Variants in BRINP1 observed in about 807,000 individuals in gnomAD.
BRINP1 encodes the protein BMP/retinoic acid-inducible neural-specific protein 1.
In BRINP1, 17 loss-of-function variants were observed where a neutral mutation model predicts 72.9. That is an observed-to-expected ratio of 0.23 (90% CI 0.16 to 0.35). The LOEUF (loss-of-function observed/expected upper bound fraction) is 0.35, where lower values mean the gene tolerates loss of function less well. BRINP1 is among the 10% of genes least tolerant of loss of function. BRINP1 has a pLI of 1.00. For missense variants in BRINP1, 850 were observed against 1,001.6 expected, an observed-to-expected ratio of 0.85 and a Z score of 2.04; for synonymous variants, 418 against 378.5, an observed-to-expected ratio of 1.10 and a Z score of -1.21.
intron 5 of BRINP1, among the ~76,000 whole-genome samples, chr9:119,218,117 C>T (rs1407116182): frequency 6.6e-6 from 1 of 151,968 alleles, no homozygotes; most frequent in Non-Finnish European, 1.5e-5. Context: ...GAAGAAGGGA[C>T]CTGTCTGCCC....
chr9:119,313,510 GT>G, intron 1 of BRINP1, 105 bp from the exon 2 acceptor site: 1 of 1,010,678 alleles, frequency 9.9e-7, no homozygotes, highest in Non-Finnish European at 1.4e-6. Context: ...AAGAAAAAAT[GT>G]GATTAACACA....
chr9:119,244,710 G>A (rs1830296478), intron 3 of BRINP1, among the ~76,000 whole-genome samples: 1 of 152,156 alleles, frequency 6.6e-6, no homozygotes, highest in Non-Finnish European at 1.5e-5. Flanking sequence ...GGGTTAATGG[G>A]CTTCTTGCTG....
intron 2 of BRINP1, among the ~76,000 whole-genome samples, chr9:119,295,071 C>T (rs1198735869): frequency 6.6e-6 from 1 of 151,862 alleles, no homozygotes; most frequent in Non-Finnish European, 1.5e-5. Flanking sequence ...TATACAGGAA[C>T]AAAGACGAAT....
At chr9:119,357,361 T>C (rs947836502) in intron 1 of BRINP1, among the ~76,000 whole-genome samples, 11 of 152,244 alleles carry the variant, frequency 7.2e-5, no homozygotes, top group African/African-American at 2.7e-4. Context: ...TGCTATTTGC[T>C]GGCTTGAAAA....
intron 7 of BRINP1, among the ~76,000 whole-genome samples, chr9:119,170,023 G>A (rs1305326149): frequency 2.0e-5 from 3 of 152,180 alleles, no homozygotes; most frequent in Non-Finnish European, 4.4e-5. Flanking sequence ...AAACCACAAA[G>A]ATGGGGAAAA....
At chr9:119,318,844 G>GTGT (rs1554754957) in intron 1 of BRINP1, among the ~76,000 whole-genome samples, 36 of 142,236 alleles carry the variant, frequency 2.5e-4, no homozygotes, top group African/African-American at 6.8e-4. Context: ...AAATGTGTGG[G>GTGT]GTGTGTGTGT....
chr9:119,206,805 G>C (rs1829861667), intron 7 of BRINP1, among the ~76,000 whole-genome samples: 1 of 152,152 alleles, frequency 6.6e-6, no homozygotes, highest in African/African-American at 2.4e-5. Context: ...GCAGATGTGT[G>C]ATGGATCTAA....
chr9:119,219,525 T>C (rs1209702141), intron 5 of BRINP1, among the ~76,000 whole-genome samples: 1 of 152,068 alleles, frequency 6.6e-6, no homozygotes, highest in East Asian at 1.9e-4. Context: ...TCTTCCCATC[T>C]TTCTGCTTCC....
At chr9:119,242,244 A>C in intron 3 of BRINP1, 28 bp from the exon 4 acceptor site, 1 of 1,603,626 alleles carries the variant, frequency 6.2e-7, no homozygotes, top group Non-Finnish European at 8.5e-7. Context: ...GTAGATAAGA[A>C]GGTTTGTGGA....
chr9:119,254,958 G>C (rs781612932), intron 2 of BRINP1, among the ~76,000 whole-genome samples: 62 of 152,310 alleles, frequency 4.1e-4, no homozygotes, highest in Non-Finnish European at 5.6e-4. Context: ...TGGGAAAATT[G>C]AATGTCAAAA....
chr9:119,241,094 A>G (rs1250848772), intron 4 of BRINP1, among the ~76,000 whole-genome samples: 1 of 152,218 alleles, frequency 6.6e-6, no homozygotes, highest in East Asian at 1.9e-4. Context: ...TGCTCTAAGC[A>G]CTGAATTGAA....
chr9:119,282,837 T>A, intron 2 of BRINP1: 1 of 985,180 alleles, frequency 1.0e-6, no homozygotes, highest in African/African-American at 1.7e-5. Context: ...CTGGTCACAG[T>A]GGAGAGACAG....
chr9:119,185,680 C>T (rs1283377012), intron 7 of BRINP1, among the ~76,000 whole-genome samples: 1 of 152,188 alleles, frequency 6.6e-6, no homozygotes, highest in Non-Finnish European at 1.5e-5. Flanking sequence ...AACATCTTGT[C>T]TCTGCTACCT....
At chr9:119,294,873 A>G (rs1830858681) in intron 2 of BRINP1, among the ~76,000 whole-genome samples, 1 of 150,046 alleles carries the variant, frequency 6.7e-6, no homozygotes, top group African/African-American at 2.5e-5. Context: ...AAAAAAAAAG[A>G]CACACATAAA....
In BRINP1 at chr9:119,249,093, G is replaced by T; in HGVS notation, c.276C>A (p.Arg92=). 1 of 1,614,058 alleles carries T rather than the reference G, an allele frequency of 6.2e-7. No individual in the cohort carries two copies. Among genetic ancestry groups the T allele is most frequent in the African/African-American group, 1.3e-5 (1 of 75,006 alleles). The change falls in exon 3 of 8, where the codon CGC becomes CGA. Residue 92 remains arginine (R), a synonymous_variant. Transcript: ENST00000265922. ...ACTCCGGCATGAGGGGCACTGGATGGCGGACCAGATCTCTCCTCTCGATGG... is the reference window on the plus strand; with the variant it reads ...ACTCCGGCATGAGGGGCACTGGATGTCGGACCAGATCTCTCCTCTCGATGG... ...NTAIERRDLV[R]HPVPLMPEFQ...
intron 1 of BRINP1, among the ~76,000 whole-genome samples, chr9:119,318,551 C>T (rs1831149444): frequency 6.6e-6 from 1 of 152,036 alleles, no homozygotes; most frequent in Admixed American, 6.6e-5. Flanking sequence ...CAAATCCGTA[C>T]ATGTTGAGTG....
intron 7 of BRINP1, among the ~76,000 whole-genome samples, chr9:119,180,245 A>G (rs1483977083): frequency 6.6e-6 from 1 of 152,234 alleles, no homozygotes; most frequent in Non-Finnish European, 1.5e-5. Context: ...ATTTAAAAGT[A>G]CAGAGGAAAT....
intron 7 of BRINP1, among the ~76,000 whole-genome samples, chr9:119,195,691 C>T (rs1297072881): frequency 6.6e-6 from 1 of 152,202 alleles, no homozygotes; most frequent in African/African-American, 2.4e-5. Context: ...AGCAGTCGTG[C>T]CACCTCTCAG....
chr9:119,340,611 A>C (rs952187269), intron 1 of BRINP1, among the ~76,000 whole-genome samples: 1 of 152,224 alleles, frequency 6.6e-6, no homozygotes, highest in Non-Finnish European at 1.5e-5. Flanking sequence ...GTAGGACTCA[A>C]TTGAGTCACT....
Sources: allele counts gnomAD v4.1 joint callset (sites outside exome capture counted in the v4.1 genomes callset), GRCh38; gene constraint gnomAD v4.1.1; transcripts MANE v1.5; gene names NCBI Gene and HGNC (gene_info 2026-07-23, HGNC 2026-07-21).